Variants in PIK3CD observed in about 807,000 individuals in gnomAD.
PIK3CD encodes the protein phosphatidylinositol-4,5-bisphosphate 3-kinase catalytic subunit delta.
PIK3CD carries 20 observed loss-of-function variants against 122.9 expected under a neutral mutation model. The ratio of observed to expected loss-of-function variants is 0.16; its 90% confidence interval spans 0.11 to 0.24. PIK3CD has a LOEUF of 0.24. Among genes scored for constraint, PIK3CD ranks in the 10% least tolerant of loss-of-function variants. PIK3CD has a pLI of 1.00. For missense variants in PIK3CD, 787 were observed against 1,406.3 expected, an observed-to-expected ratio of 0.56 and a Z score of 7.04; for synonymous variants, 596 against 593.4, an observed-to-expected ratio of 1.00 and a Z score of -0.06.
intron 1 of PIK3CD, among the ~76,000 whole-genome samples, chr1:9,683,087 T>C (rs1570202148): frequency 7.4e-6 from 1 of 134,692 alleles, no homozygotes; most frequent in Admixed American, 7.9e-5. Flanking sequence ...ATGGCACCAC[T>C]GCATGCCAGC....
At position 9,720,332 on chromosome 1, in the gene PIK3CD, G is replaced by T; in HGVS notation, c.1470+90G>T. The T allele has an allele frequency of 6.8e-7, 1 of 1,478,340 alleles. No individual in the cohort carries two copies. Among genetic ancestry groups the T allele is most frequent in the Non-Finnish European group, 9.1e-7 (1 of 1,099,218 alleles). The allele number at this position is 1,478,340 out of a possible 1,614,324, so 91.6% of individuals were successfully genotyped here. On this transcript the variant is annotated intron_variant, in intron 11 of 23. Transcript: ENST00000377346. The surrounding 1 kb of genome is among the most constrained non-coding windows in gnomAD (Gnocchi z 9.0). ...GGAGCTCTTCAGAGGGTGCTCCCTG[G>T]CCACGTCGGGGCTGGGCTACCAGGC...
chr1:9,654,046 G>A (rs1644761596), intron 1 of PIK3CD: 1 of 1,243,814 alleles, frequency 8.0e-7, no homozygotes, highest in South Asian at 1.2e-5. Context: ...GCTCCAGCCT[G>A]GGTGACAGAG....
At chr1:9,634,240 G>A in the PIK3CD span, among the ~76,000 whole-genome samples, 16 of 140,802 alleles carry the variant, frequency 1.1e-4, no homozygotes, top group Non-Finnish European at 1.2e-4. Flanking sequence ...TACAACCTCC[G>A]CCTTCCAGGT....
chr1:9,646,642 G>A, the PIK3CD span, among the ~76,000 whole-genome samples: 2 of 152,146 alleles, frequency 1.3e-5, no homozygotes, highest in Non-Finnish European at 2.9e-5. Context: ...TTTATGTCCT[G>A]TATTTAGGCA....
At chr1:9,697,744 A>C (rs1570280839) in intron 2 of PIK3CD, among the ~76,000 whole-genome samples, 1 of 151,640 alleles carries the variant, frequency 6.6e-6, no homozygotes, top group Non-Finnish European at 1.5e-5. Flanking sequence ...AAAACAAAAA[A>C]AAAGTGCTGA....
intron 1 of PIK3CD, among the ~76,000 whole-genome samples, chr1:9,661,154 C>G (rs927840206): frequency 1.3e-5 from 2 of 152,038 alleles, no homozygotes; most frequent in Non-Finnish European, 2.9e-5. Flanking sequence ...AGGCTGGTCT[C>G]GAACTCTTGA....
intron 23 of PIK3CD, among the ~76,000 whole-genome samples, chr1:9,725,470 G>A (rs1477887911): frequency 1.3e-5 from 2 of 152,004 alleles, no homozygotes; most frequent in African/African-American, 2.4e-5. Flanking sequence ...CAGGAGAATC[G>A]TTTGAACCCA....
In PIK3CD at chr1:9,720,224, C is replaced by T; in HGVS notation, c.1452C>T (p.Tyr484=). ...CLPEVAPHPV[Y]YPALEKILEL... is the part of the protein sequence containing the mutation. Reference sequence around the variant, plus strand: ...CCGAGGTGGCCCCGCACCCCGTGTACTACCCCGCCCTGGAGAAGGTCAGTG... The same window carrying T: ...CCGAGGTGGCCCCGCACCCCGTGTATTACCCCGCCCTGGAGAAGGTCAGTG... Residue 484 remains tyrosine, a synonymous_variant, in exon 11 of 24, where the codon TAC becomes TAT. Transcript: ENST00000377346. This position sits in a 1 kb window ranked among gnomAD's most constrained non-coding sequence, Gnocchi z 9.0. 1 of 1,607,374 alleles carries T rather than the reference C, an allele frequency of 6.2e-7. No homozygotes were observed. The highest frequency in any genetic ancestry group is 8.5e-7 in the Non-Finnish European group (1 of 1,175,714).
chr1:9,718,173 C>G lies in PIK3CD; in HGVS notation c.1021-521C>G, dbSNP rs1490210106. On this transcript the variant is annotated intron_variant, in intron 8 of 23. Transcript: ENST00000377346. The surrounding 1 kb of genome is among the most constrained non-coding windows in gnomAD (Gnocchi z 7.2). ...AGTCCTCAGAGGTTGGCCCTCCTGC[C>G]TGGAGTGTGTTTCACTGGGGAAATC... The G allele has an allele frequency of 1.5e-5, 7 of 464,152 alleles. No homozygotes were observed. Among genetic ancestry groups the G allele is most frequent in the Non-Finnish European group, 2.6e-5 (6 of 232,660 alleles). 28.8% of individuals were successfully genotyped at this position (464,152 alleles called of 1,614,324 possible). A position where few individuals can be genotyped will look rare whatever the true frequency, so the allele number is the denominator to read the frequency against.
At chr1:9,721,668 A>G in intron 15 of PIK3CD, 81 bp downstream of exon 15, 1 of 1,607,556 alleles carries the variant, frequency 6.2e-7, no homozygotes, top group Non-Finnish European at 8.5e-7. Flanking sequence ...CGTTTCCAGC[A>G]GGCCTGGGTG....
At chr1:9,631,145 C>T in the PIK3CD span, among the ~76,000 whole-genome samples, 3 of 152,160 alleles carry the variant, frequency 2.0e-5, no homozygotes, top group Admixed American at 2.0e-4. Context: ...CTGTCTGCCC[C>T]CATCTGCCCG....
At chr1:9,679,063 CTTTTTTTTTTTTT>C (rs148088382) in intron 1 of PIK3CD, among the ~76,000 whole-genome samples, 1 of 116,574 alleles carries the variant, frequency 8.6e-6, no homozygotes, top group Admixed American at 8.9e-5. Flanking sequence ...TCAGGAGAAA[CTTTTTTTTTTTTT>C]TTTTTTTTTG....
intron 2 of PIK3CD, among the ~76,000 whole-genome samples, chr1:9,709,213 A>G (rs1646957362): frequency 1.3e-5 from 2 of 151,960 alleles, no homozygotes. Context: ...TATTTTTAGT[A>G]GAGACAGGGT....
intron 2 of PIK3CD, among the ~76,000 whole-genome samples, chr1:9,708,233 G>A (rs1182885824): frequency 6.6e-6 from 1 of 151,774 alleles, no homozygotes; most frequent in Non-Finnish European, 1.5e-5. Context: ...ATCCAGGCTG[G>A]AGTGCAGTGG....
rs1650125801 is a variant in PIK3CD, at chr1:9,728,908, G to C, written c.*1862G>C. ...AACCTTGAAATGAGAAGTAAAGGCA[G>C]ATGAAAAGAAAGAAAAAGCCTTTTT... On this transcript the variant is annotated 3_prime_UTR_variant, in exon 24 of 24. Coordinates refer to ENST00000377346, the MANE Select transcript of PIK3CD (RefSeq NM_005026.5). 1 of 152,234 alleles carries C rather than the reference G, an allele frequency of 6.6e-6. No homozygotes were observed. Among genetic ancestry groups the C allele is most frequent in the Non-Finnish European group, 1.5e-5 (1 of 68,050 alleles). 9.4% of individuals were successfully genotyped at this position (152,234 alleles called of 1,614,324 possible).
intron 1 of PIK3CD, among the ~76,000 whole-genome samples, chr1:9,683,229 G>A (rs146783463): frequency 0.018 from 2,786 of 151,706 alleles, 29 homozygotes; most frequent in Non-Finnish European, 0.028. Flanking sequence ...ACCAGGTCAG[G>A]AGATTGAGAC....
At chr1:9,631,794 A>T in the PIK3CD span, among the ~76,000 whole-genome samples, 1 of 152,132 alleles carries the variant, frequency 6.6e-6, no homozygotes, top group Non-Finnish European at 1.5e-5. Context: ...CTTTTCCCAG[A>T]TATCCTCATT....
intron 1 of PIK3CD, chr1:9,688,240 A>G (rs979883754): frequency 6.6e-6 from 1 of 150,826 alleles, no homozygotes; most frequent in African/African-American, 2.4e-5. Context: ...ACCTTCTACC[A>G]CCCCGCGGGA....
the PIK3CD span, among the ~76,000 whole-genome samples, chr1:9,628,870 T>C: frequency 6.6e-6 from 1 of 152,120 alleles, no homozygotes; most frequent in African/African-American, 2.4e-5. Context: ...GTAAGGGTGA[T>C]CCCGAGGACT....
Sources: allele counts gnomAD v4.1 joint callset (sites outside exome capture counted in the v4.1 genomes callset), GRCh38; gene constraint gnomAD v4.1.1; non-coding constraint Gnocchi (gnomAD v3.1); transcripts MANE v1.5; gene names NCBI Gene and HGNC (gene_info 2026-07-23, HGNC 2026-07-21).